Variants in CACNB2 observed in about 807,000 individuals in gnomAD.
CACNB2 encodes calcium voltage-gated channel auxiliary subunit beta 2, also known as voltage-dependent L-type calcium channel subunit beta-2.
CACNB2 carries 42 observed loss-of-function variants against 73.3 expected under a neutral mutation model. That is an observed-to-expected ratio of 0.57 (90% CI 0.45 to 0.74). CACNB2 has a LOEUF of 0.74. Among genes scored for constraint, CACNB2 ranks in the 30% least tolerant of loss-of-function variants. The probability of loss-of-function intolerance (pLI) is 0.00; values close to 1 mark genes in which losing one functional copy is unlikely to be tolerated. For synonymous variants in CACNB2, 348 were observed against 310.3 expected (o/e 1.12, Z -1.28); for missense variants, 940 against 853.0 (o/e 1.10, Z -1.27).
intron 2 of CACNB2, among the ~76,000 whole-genome samples, chr10:18,154,122 A>G (rs578160326): frequency 3.9e-5 from 6 of 152,110 alleles, no homozygotes; most frequent in Admixed American, 1.3e-4. Context: ...AATTTTAAAA[A>G]CCTTAGAATT....
At chr10:18,510,804 G>A (rs1313194696) in intron 6 of CACNB2, among the ~76,000 whole-genome samples, 1 of 152,170 alleles carries the variant, frequency 6.6e-6, no homozygotes, top group Non-Finnish European at 1.5e-5. Flanking sequence ...AATAAAAGAT[G>A]AGAAAGATAA....
At chr10:18,211,928 A>G (rs955796872) in intron 2 of CACNB2, among the ~76,000 whole-genome samples, 3 of 152,112 alleles carry the variant, frequency 2.0e-5, no homozygotes, top group African/African-American at 7.2e-5. Flanking sequence ...TAGTTCTGGT[A>G]CAAACGTGCA....
chr10:18,228,457 A>G (rs2036100136), intron 2 of CACNB2, among the ~76,000 whole-genome samples: 2 of 149,440 alleles, frequency 1.3e-5, no homozygotes, highest in African/African-American at 5.0e-5. Context: ...AAAGAAAAAA[A>G]AAAAGAAAAG....
chr10:18,384,734 C>T (rs2043153847), intron 2 of CACNB2, among the ~76,000 whole-genome samples: 1 of 143,596 alleles, frequency 7.0e-6, no homozygotes, highest in South Asian at 2.3e-4. Context: ...TGTCTCAAAA[C>T]AACAACAACA....
Position 18,534,057 on chromosome 10 carries a change from A to ATTGT in CACNB2, c.1055-16_1055-13dup, listed in dbSNP as rs765832046. On this transcript the variant is annotated intron_variant, in intron 10 of 13. Coordinates refer to ENST00000324631, the MANE Select transcript of CACNB2 (RefSeq NM_201596.3). Reference sequence around the variant, plus strand: ...CTTAAAAATACTGCACTTTAACTGAATTGTTTCGCCCTTTACAGCGGAAGT... The same window carrying ATTGT: ...CTTAAAAATACTGCACTTTAACTGAATTGTTTGTTTCGCCCTTTACAGCGGAAGT... 6.2e-7 allele frequency: 1 copy of ATTGT among 1,613,826 alleles called. No homozygotes were observed. Among genetic ancestry groups the ATTGT allele is most frequent in the East Asian group, 2.2e-5 (1 of 44,850 alleles).
At chr10:18,519,908 G>A in intron 9 of CACNB2, 1 of 354,146 alleles carries the variant, frequency 2.8e-6, no homozygotes, top group Non-Finnish European at 5.5e-6. Flanking sequence ...TTGACATGGT[G>A]GATTATTCCA....
chr10:18,154,444 T>C (rs2031868560), intron 2 of CACNB2, among the ~76,000 whole-genome samples: 1 of 152,054 alleles, frequency 6.6e-6, no homozygotes, highest in African/African-American at 2.4e-5. Context: ...CTCTAATTCA[T>C]TAGGACTGTT....
intron 2 of CACNB2, among the ~76,000 whole-genome samples, chr10:18,361,445 G>T: frequency 6.7e-6 from 1 of 148,628 alleles, no homozygotes. Flanking sequence ...GTTGCAGTGA[G>T]CCAAGATCGC....
At chr10:18,469,050 G>T (rs1357529831) in intron 3 of CACNB2, among the ~76,000 whole-genome samples, 1 of 152,146 alleles carries the variant, frequency 6.6e-6, no homozygotes, top group Admixed American at 6.5e-5. Flanking sequence ...GAGTGCAAAA[G>T]CAGCCTGGGC....
At chr10:18,508,214 G>A (rs1470012402) in intron 6 of CACNB2, among the ~76,000 whole-genome samples, 1 of 152,144 alleles carries the variant, frequency 6.6e-6, no homozygotes, top group Non-Finnish European at 1.5e-5. Flanking sequence ...ATTGCTTTAG[G>A]AAGCAAATTA....
At chr10:18,245,904 G>T (rs751711637) in intron 2 of CACNB2, among the ~76,000 whole-genome samples, 2 of 152,252 alleles carry the variant, frequency 1.3e-5, no homozygotes, top group South Asian at 4.1e-4. Flanking sequence ...ATATTAATCA[G>T]GAGTTGGGAA....
intron 3 of CACNB2, among the ~76,000 whole-genome samples, chr10:18,442,424 A>G (rs1440248851): frequency 6.6e-6 from 1 of 152,062 alleles, no homozygotes; most frequent in Admixed American, 6.5e-5. Flanking sequence ...CGCTGGAATT[A>G]TAGGCGTGAG....
chr10:18,502,507 T>C (rs1226075629), intron 5 of CACNB2, among the ~76,000 whole-genome samples: 1 of 149,492 alleles, frequency 6.7e-6, no homozygotes, highest in African/African-American at 2.5e-5. Flanking sequence ...TGGGCAACAT[T>C]GTGAAACCCC....
chr10:18,250,596 A>T (rs1016236969), intron 2 of CACNB2, among the ~76,000 whole-genome samples: 1 of 151,570 alleles, frequency 6.6e-6, no homozygotes, highest in East Asian at 1.9e-4. Context: ...AGCAATGACT[A>T]TGGACGAATG....
At chr10:18,142,839 G>A (rs2130989224) in intron 1 of CACNB2, among the ~76,000 whole-genome samples, 1 of 152,316 alleles carries the variant, frequency 6.6e-6, no homozygotes, top group Non-Finnish European at 1.5e-5. Context: ...TAGGATATAT[G>A]TATAGGGGCT....
chr10:18,402,662 A>T (rs954357672), intron 3 of CACNB2, among the ~76,000 whole-genome samples: 4 of 152,184 alleles, frequency 2.6e-5, no homozygotes, highest in Admixed American at 6.5e-5. Context: ...TAGTTACAGG[A>T]TTCATCTCAG....
chr10:18,238,840 A>C (rs2036543863), intron 2 of CACNB2, among the ~76,000 whole-genome samples: 1 of 152,210 alleles, frequency 6.6e-6, no homozygotes, highest in African/African-American at 2.4e-5. Flanking sequence ...TAACTAACAC[A>C]ACCGTAAACC....
At chr10:18,457,779 A>G (rs1334663786) in intron 3 of CACNB2, among the ~76,000 whole-genome samples, 2 of 152,016 alleles carry the variant, frequency 1.3e-5, no homozygotes, top group Non-Finnish European at 2.9e-5. Flanking sequence ...AATCCCAGCT[A>G]CGTGGGAGGC....
At chr10:18,384,121 C>G (rs920496393) in intron 2 of CACNB2, among the ~76,000 whole-genome samples, 1 of 152,086 alleles carries the variant, frequency 6.6e-6, no homozygotes, top group African/African-American at 2.4e-5. Context: ...AAAGAGGCAC[C>G]GTGTTCCCAA....
Sources: gnomAD v4.1 joint callset for allele counts (sites outside exome capture counted in the v4.1 genomes callset) on GRCh38, gnomAD v4.1.1 for gene constraint, MANE v1.5 for transcripts, NCBI Gene and HGNC (gene_info 2026-07-23, HGNC 2026-07-21) for gene names.